The following ZGRF1 variants were observed in gnomAD, a reference collection of about 807,000 sequenced individuals.
ZGRF1 encodes zinc finger GRF-type containing 1.
In ZGRF1, 196 loss-of-function variants were observed where a neutral mutation model predicts 203.5. The observed-to-expected ratio is 0.96, with a 90% CI of 0.86 to 1.08. The LOEUF (loss-of-function observed/expected upper bound fraction) is 1.08. ZGRF1 is among the 50% of genes least tolerant of loss of function. The probability of loss-of-function intolerance (pLI) is 0.00; values close to 1 mark genes in which losing one functional copy is unlikely to be tolerated. For missense variants in ZGRF1, 2,326 were observed against 2,416.3 expected, an observed-to-expected ratio of 0.96 and a Z score of 0.78; for synonymous variants, 809 against 841.3, an observed-to-expected ratio of 0.96 and a Z score of 0.66.
chr4:112,587,257 A>C, intron 12 of ZGRF1, 23 bp downstream of exon 12: 1 of 1,569,534 alleles, frequency 6.4e-7, no homozygotes, highest in Non-Finnish European at 8.6e-7. Flanking sequence ...AAAATGCACC[A>C]CAAGACCGGT....
intron 8 of ZGRF1, among the ~76,000 whole-genome samples, 158 bp from the exon 9 acceptor site, chr4:112,606,249 C>T (rs1433256900): frequency 3.3e-5 from 5 of 152,250 alleles, no homozygotes; most frequent in Admixed American, 6.5e-5. Flanking sequence ...TACAAGCTAG[C>T]TCTCCCTGGC....
intron 16 of ZGRF1, among the ~76,000 whole-genome samples, chr4:112,566,470 C>T (rs988028905): frequency 6.7e-6 from 1 of 150,046 alleles, no homozygotes; most frequent in African/African-American, 2.5e-5. Context: ...TGCACATGTA[C>T]CCTAAAACTT....
chr4:112,590,619 T>A (rs1451239168), intron 10 of ZGRF1, among the ~76,000 whole-genome samples: 1 of 152,094 alleles, frequency 6.6e-6, no homozygotes, highest in East Asian at 1.9e-4. Context: ...TTAGTGACTG[T>A]ATATTTTCCT....
At chr4:112,616,713 T>G (rs575880678) in intron 6 of ZGRF1, among the ~76,000 whole-genome samples, 20 of 151,150 alleles carry the variant, frequency 1.3e-4, no homozygotes, top group African/African-American at 4.9e-4. Flanking sequence ...CGTGGGTGCC[T>G]GTAATTCCAG....
intron 10 of ZGRF1, among the ~76,000 whole-genome samples, chr4:112,598,753 A>G (rs549587459): frequency 1.3e-4 from 20 of 152,198 alleles, no homozygotes; most frequent in Non-Finnish European, 2.5e-4. Flanking sequence ...ATTTAATTTT[A>G]GAAAAATCAT....
In ZGRF1 at chr4:112,539,432, T is replaced by A; in HGVS notation, c.*115A>T. 1 of 580,406 alleles carries A rather than the reference T, an allele frequency of 1.7e-6. No homozygotes were observed. The highest frequency in any genetic ancestry group is 2.7e-6 in the Non-Finnish European group (1 of 369,338). 36.0% of individuals were successfully genotyped at this position (580,406 alleles called of 1,614,324 possible). On this transcript the variant is annotated 3_prime_UTR_variant, in exon 28 of 28. Coordinates refer to ENST00000505019, the MANE Select transcript of ZGRF1 (RefSeq NM_018392.5). ...AAAATTTTTACATGTGTTTACTATG[T>A]TATTTAAATATCATATTTTTAATAA...
chr4:112,539,446 T>C lies in ZGRF1; in HGVS notation c.*101A>G. The C allele has an allele frequency of 1.6e-6, 1 of 624,432 alleles. No homozygotes were observed. Among genetic ancestry groups the C allele is most frequent in the Non-Finnish European group, 2.5e-6 (1 of 407,512 alleles). The allele number at this position is 624,432 out of a possible 1,614,324, so 38.7% of individuals were successfully genotyped here. A position where few individuals can be genotyped will look rare whatever the true frequency, so the allele number is the denominator to read the frequency against. ...TGTTTACTATGTTATTTAAATATCA[T>C]ATTTTTAATAAGAGGGTTTAGAGTA... On this transcript the variant is annotated 3_prime_UTR_variant, in exon 28 of 28. Coordinates refer to ENST00000505019, the MANE Select transcript of ZGRF1 (RefSeq NM_018392.5).
chr4:112,604,791 C>G (rs557114060), intron 9 of ZGRF1, among the ~76,000 whole-genome samples: 9 of 152,224 alleles, frequency 5.9e-5, no homozygotes, highest in Middle Eastern at 3.4e-3. Context: ...TCTGCTGCCC[C>G]CTGGAGGGTT....
chr4:112,581,887 AC>A, intron 15 of ZGRF1, 85 bp from the exon 16 acceptor site: 1 of 632,160 alleles, frequency 1.6e-6, no homozygotes, highest in South Asian at 3.2e-5. Flanking sequence ...TATGAAAAGA[AC>A]CAGGGTTTCA....
At chr4:112,631,573 G>A (rs1201855314) in intron 3 of ZGRF1, among the ~76,000 whole-genome samples, 1 of 152,112 alleles carries the variant, frequency 6.6e-6, no homozygotes, top group African/African-American at 2.4e-5. Flanking sequence ...TTGGGAGGCT[G>A]AGGCAGGAGA....
chr4:112,613,432 G>A (rs2046761361), intron 6 of ZGRF1, among the ~76,000 whole-genome samples: 2 of 151,838 alleles, frequency 1.3e-5, no homozygotes, highest in Admixed American at 1.3e-4. Flanking sequence ...CCAGGCACTA[G>A]GGAAATAGCA....
chr4:112,600,430 A>T (rs1749762560), intron 10 of ZGRF1, among the ~76,000 whole-genome samples: 2 of 152,058 alleles, frequency 1.3e-5, no homozygotes, highest in Non-Finnish European at 1.5e-5. Context: ...GTGGTGGATC[A>T]CTCCTGTAAT....
chr4:112,598,064 T>C (rs561776906), intron 10 of ZGRF1, among the ~76,000 whole-genome samples: 2 of 147,338 alleles, frequency 1.4e-5, no homozygotes, highest in East Asian at 4.1e-4. Flanking sequence ...TATTCAAAGA[T>C]GTACTCCAGC....
rs748963474 is a variant in ZGRF1 at position 112,563,128 on chromosome 4, C to T, written c.4582+3G>A. 50 of 1,546,176 alleles carry T rather than the reference C, an allele frequency of 3.2e-5. No homozygotes were observed. The highest frequency in any genetic ancestry group is 3.8e-5 in the Non-Finnish European group (44 of 1,143,524). ...AAACTAAAATGAGCATAGTAATACT[C>T]ACTGTTAGTGGGCCAATTAGAAGGG... On this transcript the variant is annotated splice_donor_region_variant and intron_variant, in intron 17 of 27. Transcript: ENST00000505019.
At chr4:112,566,000 A>G (rs1366453045) in intron 16 of ZGRF1, among the ~76,000 whole-genome samples, 2 of 152,160 alleles carry the variant, frequency 1.3e-5, no homozygotes, top group Non-Finnish European at 2.9e-5. Context: ...TACTGGGTAT[A>G]CACCCAAAGG....
At position 112,584,228 on chromosome 4, in the gene ZGRF1, C is replaced by T. The variant is rs554871076; in HGVS notation, c.4102-54G>A. 25 of 1,288,188 alleles carry T rather than the reference C, an allele frequency of 1.9e-5. No individual in the cohort carries two copies. The Admixed American group carries it at 2.0e-4, about 10-fold the overall frequency. 79.8% of individuals were successfully genotyped at this position (1,288,188 alleles called of 1,614,324 possible). ...TAGTGAAAAAAATGCTTTTATTTTTCGATTATTTTTGTGTTTGTCAAGGCT... is the reference window on the plus strand; with the variant it reads ...TAGTGAAAAAAATGCTTTTATTTTTTGATTATTTTTGTGTTTGTCAAGGCT... On this transcript the variant is annotated intron_variant, in intron 14 of 27. Coordinates refer to ENST00000505019, the MANE Select transcript of ZGRF1 (RefSeq NM_018392.5).
chr4:112,619,452 G>A lies in ZGRF1; in HGVS notation c.590C>T (p.Ser197Phe). 6.2e-7 allele frequency: 1 copy of A among 1,611,810 alleles called. No homozygotes were observed. Among genetic ancestry groups the A allele is most frequent in the South Asian group, 1.1e-5 (1 of 90,646 alleles). Residue 197 changes from serine (S) to phenylalanine (F), a missense_variant, in exon 6 of 28, where the codon TCT becomes TTT. Ser to Phe is a radical substitution (Grantham distance 155). Transcript: ENST00000505019. ...RNAMDFSSVF[S>F]PSFQINPEVL... ...TTCTGGGTTAATCTGGAAGGATGGA[G>A]AAAAAACCGAAGAAAAATCCATGGC...
At chr4:112,610,432 A>T (rs558318530) in intron 7 of ZGRF1, among the ~76,000 whole-genome samples, 1 of 151,804 alleles carries the variant, frequency 6.6e-6, no homozygotes, top group East Asian at 2.0e-4. Context: ...TTATCCACAC[A>T]TGGTGGCGTG....
rs574700126 is a variant in ZGRF1 at position 112,577,271 on chromosome 4, G to A, written c.4438+4392C>T. On this transcript the variant is annotated intron_variant, in intron 16 of 27. Transcript: ENST00000505019. ...CCAGGCCTGCCCTAAAAGAGCTCCT[G>A]AAGGAAGCGCTAAACATGGAAAGGA... Among the ~76,000 whole-genome samples, 2 of 122,842 alleles carry A rather than the reference G, an allele frequency of 1.6e-5. 1 individual carries two copies. The highest frequency in any genetic ancestry group is 1.9e-4 in the Admixed American group (2 of 10,682). 80.6% of individuals were successfully genotyped at this position (122,842 alleles called of 152,430 possible).
Sources: gnomAD v4.1 joint callset for allele counts (sites outside exome capture counted in the v4.1 genomes callset) on GRCh38, gnomAD v4.1.1 for gene constraint, MANE v1.5 for transcripts, NCBI Gene and HGNC (gene_info 2026-07-23, HGNC 2026-07-21) for gene names.